MICU3: variants seen among roughly 807,000 people sequenced by gnomAD.
MICU3 encodes mitochondrial calcium uptake 3.
MICU3 carries 62 observed loss-of-function variants against 66.5 expected under a neutral mutation model. The ratio of observed to expected loss-of-function variants is 0.93; its 90% CI spans 0.76 to 1.15. The LOEUF (loss-of-function observed/expected upper bound fraction) is 1.15, where lower values mean the gene tolerates loss of function less well. Among genes scored for constraint, MICU3 ranks in the 50% most tolerant of loss-of-function variants. MICU3 has a pLI of 0.00. For missense variants in MICU3, 779 were observed against 664.4 expected (o/e 1.17, Z -1.90); for synonymous variants, 308 against 240.7 (o/e 1.28, Z -2.59).
intron 1 of MICU3, among the ~76,000 whole-genome samples, chr8:17,053,362 A>G (rs1162503885): frequency 4.6e-5 from 7 of 152,194 alleles, no homozygotes; most frequent in Non-Finnish European, 1.0e-4. Context: ...CTTAACACAG[A>G]GTAAATTTTT....
At chr8:17,104,759 G>C (rs1334803712) in intron 10 of MICU3, among the ~76,000 whole-genome samples, 1 of 35,480 alleles carries the variant, frequency 2.8e-5, no homozygotes, top group Non-Finnish European at 4.5e-5. Context: ...ACTTTGGGAG[G>C]CCGAGGCGGG....
chr8:17,137,520 TTAAA>T, the MICU3 span, among the ~76,000 whole-genome samples: 1 of 120,728 alleles, frequency 8.3e-6, no homozygotes. Flanking sequence ...CTGCTTTTTT[TTAAA>T]AAAAAAAAAA....
intron 9 of MICU3, chr8:17,102,574 G>T (rs1801360818): frequency 6.6e-6 from 1 of 151,954 alleles, no homozygotes; most frequent in Non-Finnish European, 1.5e-5. Flanking sequence ...AGAGCAGGCT[G>T]CCTCTTCAAC....
the MICU3 span, among the ~76,000 whole-genome samples, chr8:17,128,884 C>T: frequency 6.6e-6 from 1 of 152,108 alleles, no homozygotes; most frequent in Non-Finnish European, 1.5e-5. Context: ...CACCAAAAAT[C>T]TGCATAGGGG....
chr8:17,039,687 T>C (rs1231765962), intron 1 of MICU3, among the ~76,000 whole-genome samples: 1 of 152,134 alleles, frequency 6.6e-6, no homozygotes, highest in Non-Finnish European at 1.5e-5. Flanking sequence ...CTCTTACAGA[T>C]TGAATATGTA....
At chr8:17,065,352 C>T (rs2150641620) in intron 2 of MICU3, among the ~76,000 whole-genome samples, 1 of 152,158 alleles carries the variant, frequency 6.6e-6, no homozygotes, top group East Asian at 1.9e-4. Flanking sequence ...TGGATTATTT[C>T]CACTGGATAT....
chr8:17,027,610 C>T lies in MICU3; in HGVS notation c.331C>T (p.Pro111Ser), dbSNP rs200500624. The T allele has an allele frequency of 6.7e-3, 8,790 of 1,310,574 alleles. 64 individuals carry two copies. The highest frequency in any genetic ancestry group is 0.027 in the South Asian group (1,198 of 44,302). The allele number at this position is 1,310,574 out of a possible 1,614,324, so 81.2% of individuals were successfully genotyped here. A position where few individuals can be genotyped will look rare whatever the true frequency, so the allele number is the denominator to read the frequency against. The change falls in exon 1 of 15, where the codon CCC (proline) becomes TCC (serine). Residue 111 changes from proline to serine, a missense_variant. Pro to Ser is a moderately conservative substitution (Grantham distance 74). Transcript: ENST00000318063. ...KSAATEPEDPPRGRGMLPIPV... is the reference protein window; with the variant it reads ...KSAATEPEDPSRGRGMLPIPV... The stretch of plus-strand genomic sequence containing the variant: ...CGCGGCCACGGAGCCCGAGGACCCG[C>T]CCCGCGGCCGGGGGATGCTGCCCAT...
At chr8:17,043,945 T>C (rs1369560279) in intron 1 of MICU3, among the ~76,000 whole-genome samples, 1 of 152,248 alleles carries the variant, frequency 6.6e-6, no homozygotes, top group East Asian at 1.9e-4. Context: ...TAGTGAACTA[T>C]GAAAAATATC....
rs943588443 is a variant in MICU3 at position 17,104,777 on chromosome 8, C to T, written c.1085+286C>T. 8.4e-5 allele frequency among the ~76,000 whole-genome samples: 3 copies of T among 35,922 alleles called. 1 individual carries two copies. Among genetic ancestry groups the T allele is most frequent in the South Asian group, 8.6e-4 (1 of 1,164 alleles). The allele number at this position is 35,922 out of a possible 152,430, so 23.6% of individuals were successfully genotyped here. A position where few individuals can be genotyped will look rare whatever the true frequency, so the allele number is the denominator to read the frequency against. On this transcript the variant is annotated intron_variant, in intron 10 of 14. Transcript: ENST00000318063. ...TTGGGAGGCCGAGGCGGGCGGATCA[C>T]GAGGTCAGGAGATCGAGACCATCCT... is the stretch of plus-strand genomic sequence containing the variant.
chr8:17,058,439 C>T (rs1377039036), intron 1 of MICU3, among the ~76,000 whole-genome samples: 1 of 152,008 alleles, frequency 6.6e-6, no homozygotes, highest in Non-Finnish European at 1.5e-5. Flanking sequence ...AGAACATGAA[C>T]GTGATACAAG....
At position 17,070,650 on chromosome 8, in the gene MICU3, TAAAA is replaced by T. The variant is rs574169621; in HGVS notation, c.567+936_567+939del. 2.3e-3 allele frequency among the ~76,000 whole-genome samples: 308 copies of T among 136,426 alleles called. 1 individual carries two copies. The highest frequency in any genetic ancestry group is 0.013 in the South Asian group (54 of 4,232). 89.5% of individuals were successfully genotyped at this position (136,426 alleles called of 152,430 possible). Reference sequence around the variant, plus strand: ...TTTTTATAGATATGTTTTTTTTTTTTAAAAAAAAGAATATTAGAAATCTAGGGAA... The same window carrying T: ...TTTTTATAGATATGTTTTTTTTTTTTAAAAGAATATTAGAAATCTAGGGAA... On this transcript the variant is annotated intron_variant, in intron 3 of 14. Transcript: ENST00000318063.
At chr8:17,084,746 CTTCTT>C (rs1441223087) in intron 5 of MICU3, among the ~76,000 whole-genome samples, 1 of 152,034 alleles carries the variant, frequency 6.6e-6, no homozygotes, top group Non-Finnish European at 1.5e-5. Flanking sequence ...CATATTCAGT[CTTCTT>C]TTGTTTTATA....
intron 13 of MICU3, among the ~76,000 whole-genome samples, chr8:17,118,259 T>C (rs1386901824): frequency 1.3e-5 from 2 of 152,188 alleles, no homozygotes; most frequent in African/African-American, 4.8e-5. Flanking sequence ...TTATTTACAT[T>C]TGCCCTTTTT....
At chr8:17,043,226 AC>A (rs1267578942) in intron 1 of MICU3, among the ~76,000 whole-genome samples, 1 of 152,058 alleles carries the variant, frequency 6.6e-6, no homozygotes, top group Non-Finnish European at 1.5e-5. Context: ...GGCGTGAGCC[AC>A]CGCGCCCGGC....
chr8:17,051,222 GTTTTAATTTTTTTATA>G (rs1816025277), intron 1 of MICU3, among the ~76,000 whole-genome samples: 1 of 151,594 alleles, frequency 6.6e-6, no homozygotes, highest in South Asian at 2.1e-4. Context: ...TTAATATTAT[GTTTTAATTTTTTTATA>G]TTTTAATTTT....
intron 1 of MICU3, among the ~76,000 whole-genome samples, chr8:17,032,417 A>G (rs1370501435): frequency 6.6e-6 from 1 of 152,118 alleles, no homozygotes; most frequent in Admixed American, 6.6e-5. Context: ...ATTGCTTAAC[A>G]TACTTCAGTG....
chr8:17,085,172 T>G (rs898733950), intron 5 of MICU3, 64 bp from the exon 6 acceptor site: 6 of 1,083,148 alleles, frequency 5.5e-6, no homozygotes, highest in Non-Finnish European at 8.4e-6. Context: ...ACAACTAATA[T>G]GGATTTTGTA....
At chr8:17,075,696 T>C (rs1820284134) in intron 3 of MICU3, among the ~76,000 whole-genome samples, 2 of 152,198 alleles carry the variant, frequency 1.3e-5, no homozygotes, top group South Asian at 4.1e-4. Flanking sequence ...AGCTACTTGG[T>C]GTCAGTAAGG....
At chr8:17,091,011 T>C (rs1401451741) in intron 8 of MICU3, among the ~76,000 whole-genome samples, 1 of 152,070 alleles carries the variant, frequency 6.6e-6, no homozygotes, top group Non-Finnish European at 1.5e-5. Flanking sequence ...ATAGACTTTT[T>C]TTCATTTTCA....
Sources: gnomAD v4.1 joint callset for allele counts (sites outside exome capture counted in the v4.1 genomes callset) on GRCh38, gnomAD v4.1.1 for gene constraint, MANE v1.5 for transcripts, NCBI Gene and HGNC (gene_info 2026-07-23, HGNC 2026-07-21) for gene names.